The following CLASP1 variants were observed in gnomAD, a reference collection of about 807,000 sequenced individuals.
The protein encoded by CLASP1 is cytoplasmic linker associated protein 1.
A neutral mutation model predicts 192.3 loss-of-function variants in CLASP1; 38 were observed. The ratio of observed to expected loss-of-function variants is 0.20; its 90% confidence interval spans 0.15 to 0.26. CLASP1 has a LOEUF of 0.26. Among genes scored for constraint, CLASP1 ranks in the 10% least tolerant of loss-of-function variants. The pLI is 1.00. For missense variants in CLASP1, 1,433 were observed against 1,932.5 expected (o/e 0.74, Z 4.85); for synonymous variants, 691 against 712.8 (o/e 0.97, Z 0.49).
chr2:121,341,401 C>T (rs947015420), intron 39 of CLASP1, among the ~76,000 whole-genome samples: 6 of 152,206 alleles, frequency 3.9e-5, no homozygotes, highest in Non-Finnish European at 5.9e-5. Context: ...CACCTTTAGC[C>T]TCTTGAGTAG....
intron 34 of CLASP1, among the ~76,000 whole-genome samples, chr2:121,372,942 C>A (rs944217246): frequency 6.6e-6 from 1 of 152,240 alleles, no homozygotes; most frequent in Non-Finnish European, 1.5e-5. Context: ...AGTCTTCAAA[C>A]AGGCCCTCCT....
intron 9 of CLASP1, among the ~76,000 whole-genome samples, chr2:121,463,472 C>T (rs1328242706): frequency 6.6e-6 from 1 of 152,166 alleles, no homozygotes; most frequent in Non-Finnish European, 1.5e-5. Context: ...TGTGGAAAAG[C>T]TAACTACTAT....
intron 39 of CLASP1, among the ~76,000 whole-genome samples, chr2:121,345,815 C>T (rs1286465469): frequency 6.6e-6 from 1 of 152,208 alleles, no homozygotes; most frequent in Non-Finnish European, 1.5e-5. Flanking sequence ...ATTCTGCCCC[C>T]CAGAGGGCAT....
intron 2 of CLASP1, among the ~76,000 whole-genome samples, chr2:121,544,834 T>G (rs1406325708): frequency 1.3e-5 from 2 of 151,950 alleles, no homozygotes; most frequent in Non-Finnish European, 2.9e-5. Context: ...ATTACCAAGA[T>G]GATGGCAAAA....
At chr2:121,593,164 A>G (rs540040281) in intron 2 of CLASP1, among the ~76,000 whole-genome samples, 42 of 152,362 alleles carry the variant, frequency 2.8e-4, no homozygotes, top group Non-Finnish European at 5.3e-4. Context: ...TGAGGCACTG[A>G]GAAGGATATG....
intron 9 of CLASP1, among the ~76,000 whole-genome samples, chr2:121,466,715 G>A (rs2089661148): frequency 6.6e-6 from 1 of 152,158 alleles, no homozygotes; most frequent in Non-Finnish European, 1.5e-5. Context: ...AGAATTTATG[G>A]GAGAAATCTC....
At chr2:121,543,011 C>CT (rs2095264008) in intron 2 of CLASP1, among the ~76,000 whole-genome samples, 1 of 152,254 alleles carries the variant, frequency 6.6e-6, no homozygotes, top group South Asian at 2.1e-4. Flanking sequence ...GCAGTAGCCA[C>CT]TAGCCGCATA....
Position 121,592,916 on chromosome 2 carries a change from G to A in CLASP1, c.195+12785C>T, listed in dbSNP as rs191035608. Among the ~76,000 whole-genome samples the A allele has an allele frequency of 2.0e-3, 310 of 152,282 alleles. 1 individual carries two copies. The highest frequency in any genetic ancestry group is 7.1e-3 in the African/African-American group (297 of 41,550). ...CCACCTCGGCCTCCCAAAGTGCTGG[G>A]ATTACAGGCGTGAGCCACCACGCCC... is the stretch of plus-strand genomic sequence containing the variant. On this transcript the variant is annotated intron_variant, in intron 2 of 39. Coordinates refer to ENST00000263710, the Ensembl canonical transcript of CLASP1.
intron 8 of CLASP1, among the ~76,000 whole-genome samples, chr2:121,482,232 G>C (rs138103032): frequency 1.3e-5 from 2 of 152,088 alleles, no homozygotes; most frequent in Non-Finnish European, 2.9e-5. Flanking sequence ...CTCCTGACAG[G>C]GGATAATGAA....
chr2:121,392,667 A>G (rs1047069962), intron 30 of CLASP1, among the ~76,000 whole-genome samples: 3 of 152,242 alleles, frequency 2.0e-5, no homozygotes, highest in African/African-American at 7.2e-5. Flanking sequence ...TGGCAGAGGC[A>G]GATGTCAAAT....
At chr2:121,430,818 GA>G (rs570402689) in intron 19 of CLASP1, among the ~76,000 whole-genome samples, 33 of 152,158 alleles carry the variant, frequency 2.2e-4, no homozygotes, top group African/African-American at 7.7e-4. Context: ...TCAGTATTAG[GA>G]GTACCTAGAG....
intron 37 of CLASP1, among the ~76,000 whole-genome samples, chr2:121,360,126 C>T (rs2066094790): frequency 6.6e-6 from 1 of 152,178 alleles, no homozygotes; most frequent in Admixed American, 6.5e-5. Context: ...GGTGTGGTAA[C>T]GTCACGCTGG....
At chr2:121,546,700 G>A (rs747788539) in intron 2 of CLASP1, among the ~76,000 whole-genome samples, 10 of 152,188 alleles carry the variant, frequency 6.6e-5, no homozygotes, top group Middle Eastern at 3.4e-3. Flanking sequence ...TTTCTCAGGC[G>A]CAAACAGAGA....
At chr2:121,527,804 G>A in exon 5 of CLASP1, 1 of 1,611,672 alleles carries the variant, frequency 6.2e-7, no homozygotes, top group Non-Finnish European at 8.5e-7. Flanking sequence ...CTTACGCATT[G>A]AGTGTTGCTA....
intron 7 of CLASP1, among the ~76,000 whole-genome samples, chr2:121,512,351 G>C (rs2094162823): frequency 6.6e-6 from 1 of 152,174 alleles, no homozygotes; most frequent in Non-Finnish European, 1.5e-5. Context: ...GTAACAAAGA[G>C]TTAACATTTT....
At chr2:121,601,273 T>C (rs960398012) in intron 2 of CLASP1, among the ~76,000 whole-genome samples, 2 of 122,378 alleles carry the variant, frequency 1.6e-5, no homozygotes, top group African/African-American at 3.2e-5. Flanking sequence ...GCGTTCAGCA[T>C]TTTTTTTTTT....
chr2:121,567,554 T>C (rs1302589840), intron 2 of CLASP1, among the ~76,000 whole-genome samples: 1 of 152,246 alleles, frequency 6.6e-6, no homozygotes, highest in Non-Finnish European at 1.5e-5. Flanking sequence ...ACTCTGCATC[T>C]CTTGTAACTG....
At chr2:121,471,048 C>T (rs1559337409) in intron 8 of CLASP1, among the ~76,000 whole-genome samples, 3 of 152,104 alleles carry the variant, frequency 2.0e-5, no homozygotes, top group African/African-American at 7.2e-5. Context: ...TTTGGGAGGC[C>T]AAAATGGGAG....
chr2:121,451,954 T>C (rs2085573375), intron 14 of CLASP1, 105 bp from the exon 15 acceptor site: 7 of 736,692 alleles, frequency 9.5e-6, no homozygotes, highest in African/African-American at 3.6e-5. Flanking sequence ...AATTAGTACA[T>C]TTCTTCTGAT....
Sources: gnomAD v4.1 joint callset for allele counts (sites outside exome capture counted in the v4.1 genomes callset) on GRCh38, gnomAD v4.1.1 for gene constraint, MANE v1.5 for transcripts, NCBI Gene and HGNC (gene_info 2026-07-23, HGNC 2026-07-21) for gene names.